TAF9: variants seen among roughly 807,000 people sequenced by gnomAD.
The protein encoded by TAF9 is TATA-box binding protein associated factor 9, also known as transcription initiation factor TFIID subunit 9.
TAF9 carries 10 observed loss-of-function variants against 16.5 expected under a neutral mutation model. That is an observed-to-expected ratio of 0.61 (90% CI 0.37 to 1.03). The LOEUF (loss-of-function observed/expected upper bound fraction) is 1.03. Ranked by LOEUF, TAF9 falls within the 50% of genes least tolerant of loss-of-function variation. The pLI, the probability that TAF9 is intolerant of heterozygous loss-of-function variation, is 0.01. For synonymous variants in TAF9, 105 were observed against 120.5 expected, an observed-to-expected ratio of 0.87 and a Z score of 0.84; for missense variants, 288 against 319.1, an observed-to-expected ratio of 0.90 and a Z score of 0.74.
In TAF9 at chr5:69,365,394, A is replaced by C; in HGVS notation, c.344T>G (p.Leu115Trp). 6.2e-7 allele frequency: 1 copy of C among 1,614,216 alleles called. No individual in the cohort carries two copies. The highest frequency in any genetic ancestry group is 8.5e-7 in the Non-Finnish European group (1 of 1,180,034). The change falls in exon 3 of 3, where the codon TTG becomes TGG. Residue 115 changes from leucine to tryptophan, a missense_variant. By Grantham distance (61) the Leu-to-Trp change is moderately conservative (BLOSUM62 -2). Transcript: ENST00000217893. ...PLIKPYSGPR[L>W]PPDRYCLTAP... ...TGTTAAGCAGTATCTATCAGGTGGC[A>C]ACCTAGGACCTGAATATGGCTTGAT...
In TAF9 at chr5:69,365,407, A is replaced by G; in HGVS notation, c.331T>C (p.Ser111Pro). Residue 111 changes from serine to proline, a missense_variant, in exon 3 of 3, where the codon TCA (serine) becomes CCA (proline). By Grantham distance (74) the Ser-to-Pro change is moderately conservative (BLOSUM62 -1). Transcript: ENST00000217893. ...QTPLPLIKPY[S>P]GPRLPPDRYC... is the part of the protein sequence containing the mutation. ...CTATCAGGTGGCAACCTAGGACCTGAATATGGCTTGATCAATGGCAAAGGG... is the reference window on the plus strand; with the variant it reads ...CTATCAGGTGGCAACCTAGGACCTGGATATGGCTTGATCAATGGCAAAGGG... 1 of 1,614,236 alleles carries G rather than the reference A, an allele frequency of 6.2e-7. No homozygotes were observed. The highest frequency in any genetic ancestry group is 8.5e-7 in the Non-Finnish European group (1 of 1,180,040).
chr5:69,367,279 G>A (rs776156709), intron 1 of TAF9, among the ~76,000 whole-genome samples: 41 of 151,668 alleles, frequency 2.7e-4, no homozygotes, highest in Non-Finnish European at 4.4e-4. Context: ...TTGGGAGGCC[G>A]AGGCGGGCAG....
At chr5:69,369,767 G>T (rs879604827), upstream of TAF9, 6 of 1,469,094 alleles carry the variant, frequency 4.1e-6, no homozygotes, top group Non-Finnish European at 5.6e-6. Context: ...CTCCTTCGGT[G>T]GTCCCCGCCC....
rs1429387409 is a variant in TAF9 at position 69,369,095 on chromosome 5, C to T, written c.-111+368G>A. On this transcript the variant is annotated intron_variant, in intron 1 of 2. Transcript: ENST00000217893. ...CTACCGGGAAGCAGATATGGCCTTA[C>T]GTTATTTCGCTAAAAATCCCAAGGC... The T allele has an allele frequency of 8.1e-6, 3 of 369,594 alleles. No homozygotes were observed. The Admixed American group carries it at 1.5e-4, about 18-fold the overall frequency. The allele number at this position is 369,594 out of a possible 1,614,324, so 22.9% of individuals were successfully genotyped here. A position where few individuals can be genotyped will look rare whatever the true frequency, so the allele number is the denominator to read the frequency against.
upstream of TAF9, chr5:69,369,700 G>T: frequency 6.4e-7 from 1 of 1,552,442 alleles, no homozygotes; most frequent in Non-Finnish European, 8.7e-7. Context: ...TGGAGGGTGG[G>T]CATAACTCGG....
chr5:69,366,791 T>G, intron 1 of TAF9, 196 bp from the exon 2 acceptor site: 1 of 563,030 alleles, frequency 1.8e-6, no homozygotes, highest in Non-Finnish European at 3.2e-6. Context: ...AGAGTTTCAC[T>G]CTTGTCGCCC....
intron 2 of TAF9, 51 bp downstream of exon 2, chr5:69,366,452 C>A: frequency 6.8e-7 from 1 of 1,465,896 alleles, no homozygotes; most frequent in Non-Finnish European, 9.5e-7. Context: ...ACTCCACTTA[C>A]CAGACCTTAA....
rs753508601 is a variant in TAF9 at position 69,364,992 on chromosome 5, TCAC to T, written c.743_745del (p.Arg248_Glu249delinsGln). 1.4e-5 allele frequency: 22 copies of T among 1,613,896 alleles called. No individual in the cohort carries two copies. Among genetic ancestry groups the T allele is most frequent in the Non-Finnish European group, 1.7e-5 (20 of 1,179,910 alleles). On this transcript the variant is annotated inframe_deletion, in exon 3 of 3. Transcript: ENST00000217893. ...ATCATCATCGTCATCATCATCATCTTCACGTTTTCTTTTCAATGCATTTGATGA... is the reference window on the plus strand; with the variant it reads ...ATCATCATCGTCATCATCATCATCTTGTTTTCTTTTCAATGCATTTGATGA...
At chr5:69,369,647 C>T (rs114401758), upstream of TAF9, 2,268 of 1,562,070 alleles carry the variant, frequency 1.5e-3, 32 homozygotes, top group African/African-American at 0.028. Context: ...AGCCGCGGCC[C>T]ACTGGTTACC....
At chr5:69,369,716 T>C, upstream of TAF9, 1 of 1,550,954 alleles carries the variant, frequency 6.4e-7, no homozygotes, top group African/African-American at 1.4e-5. Flanking sequence ...CTCGGGTCGG[T>C]ACTTCGGGTC....
chr5:69,367,834 C>T (rs1379626761), intron 1 of TAF9: 1 of 152,192 alleles, frequency 6.6e-6, no homozygotes, highest in Admixed American at 6.5e-5. Context: ...GCATGAGCCA[C>T]CCACCTGGCC....
At chr5:69,367,399 A>ACTC (rs1193819428) in intron 1 of TAF9, among the ~76,000 whole-genome samples, 1 of 150,930 alleles carries the variant, frequency 6.6e-6, no homozygotes, top group East Asian at 2.0e-4. Flanking sequence ...AATCCCAGCT[A>ACTC]CTCAGGAGGC....
chr5:69,368,339 A>G (rs1429838972), intron 1 of TAF9, among the ~76,000 whole-genome samples: 2 of 152,214 alleles, frequency 1.3e-5, no homozygotes, highest in Admixed American at 1.3e-4. Flanking sequence ...ATTAAACTTA[A>G]GCATAAAGAT....
In TAF9 at chr5:69,365,400, G is replaced by A; in HGVS notation, c.338C>T (p.Pro113Leu). 1 of 1,614,200 alleles carries A rather than the reference G, an allele frequency of 6.2e-7. No individual in the cohort carries two copies. ...GCAGTATCTATCAGGTGGCAACCTA[G>A]GACCTGAATATGGCTTGATCAATGG... ...PLPLIKPYSG[P>L]RLPPDRYCLT... Residue 113 changes from proline to leucine, a missense_variant, in exon 3 of 3, where the codon CCT becomes CTT. By Grantham distance (98) the Pro-to-Leu change is moderately conservative. Transcript: ENST00000217893.
chr5:69,365,632 T>C lies in TAF9; in HGVS notation c.106A>G (p.Ile36Val). 3 of 1,614,124 alleles carry C rather than the reference T, an allele frequency of 1.9e-6. No homozygotes were observed. Among genetic ancestry groups the C allele is most frequent in the African/African-American group, 1.3e-5 (1 of 75,054 alleles). The stretch of plus-strand genomic sequence containing the variant: ...AAGGCAAACTCCAACATCTGATTTA[T>C]AACTCTTGGCTCATATTCTGTAATC... ...MGITEYEPRV[I>V]NQMLEFAFRY... The change falls in exon 3 of 3, where the codon ATA (isoleucine) becomes GTA (valine). Residue 36 changes from isoleucine (I) to valine (V), a missense_variant. Coordinates refer to ENST00000217893, the MANE Select transcript of TAF9 (RefSeq NM_003187.5).
At chr5:69,369,085 T>G in intron 1 of TAF9, 1 of 330,268 alleles carries the variant, frequency 3.0e-6, no homozygotes, top group Non-Finnish European at 5.5e-6. Context: ...GGGAAGCAGA[T>G]ATGGCCTTAC....
chr5:69,369,736 G>A, upstream of TAF9: 3 of 1,539,866 alleles, frequency 1.9e-6, no homozygotes, highest in Non-Finnish European at 2.6e-6. Flanking sequence ...CAGGCAGTGC[G>A]CTGGATGCCT....
rs911509755 is a variant in TAF9 at position 69,364,745 on chromosome 5, G to A, written c.*198C>T. On this transcript the variant is annotated 3_prime_UTR_variant, in exon 3 of 3. Coordinates refer to ENST00000217893, the MANE Select transcript of TAF9 (RefSeq NM_003187.5). ...CATAACTGCCAAAGCACCAACAATC[G>A]AATGAATGACAACTTTATTTTTCTT... 11 of 661,658 alleles carry A rather than the reference G, an allele frequency of 1.7e-5. No homozygotes were observed. Among genetic ancestry groups the A allele is most frequent in the Middle Eastern group, 4.3e-4 (1 of 2,342 alleles). 41.0% of individuals were successfully genotyped at this position (661,658 alleles called of 1,614,324 possible).
In TAF9 at chr5:69,369,240, C is replaced by CCCCCCCCG; in HGVS notation, c.-111+222_-111+223insCGGGGGGG. ...GACCTCTCTCCACCCCCCCCCGCCC[C>CCCCCCCCG]CCCCCGGAGCCTCAGGCCAACGGAA... On this transcript the variant is annotated intron_variant, in intron 1 of 2. Coordinates refer to ENST00000217893, the MANE Select transcript of TAF9 (RefSeq NM_003187.5). 8.8e-6 allele frequency: 2 copies of CCCCCCCCG among 227,000 alleles called. 1 individual carries two copies. Among genetic ancestry groups the CCCCCCCCG allele is most frequent in the Non-Finnish European group, 1.7e-5 (2 of 118,826 alleles). 14.1% of individuals were successfully genotyped at this position (227,000 alleles called of 1,614,324 possible).
Sources: gnomAD v4.1 joint callset for allele counts (sites outside exome capture counted in the v4.1 genomes callset) on GRCh38, gnomAD v4.1.1 for gene constraint, MANE v1.5 for transcripts, NCBI Gene and HGNC (gene_info 2026-07-23, HGNC 2026-07-21) for gene names.